Variants in CACNA1E observed in about 807,000 individuals in gnomAD.
CACNA1E encodes the protein voltage-dependent R-type calcium channel subunit alpha-1E.
A neutral mutation model predicts 259.2 loss-of-function variants in CACNA1E; 40 were observed. That is an observed-to-expected ratio of 0.15 (90% CI 0.12 to 0.20). The LOEUF is 0.20. CACNA1E is among the 10% of genes least tolerant of loss of function. The pLI, the probability that CACNA1E is intolerant of heterozygous loss-of-function variation, is 1.00. For synonymous variants in CACNA1E, 1,104 were observed against 1,138.5 expected (o/e 0.97, Z 0.61); for missense variants, 1,874 against 3,040.1 (o/e 0.62, Z 9.02).
chr1:181,710,530 A>G (rs752754617), intron 7 of CACNA1E, among the ~76,000 whole-genome samples: 1 of 152,218 alleles, frequency 6.6e-6, no homozygotes, highest in Non-Finnish European at 1.5e-5. Context: ...AAAAACCTTG[A>G]TACAGGGCCA....
At chr1:181,766,452 T>C in intron 34 of CACNA1E, 94 bp from the exon 35 acceptor site, 1 of 865,870 alleles carries the variant, frequency 1.2e-6, no homozygotes, top group Admixed American at 1.9e-5. Flanking sequence ...TGCATTAGCC[T>C]CCAGGCAAGA....
intron 3 of CACNA1E, among the ~76,000 whole-genome samples, chr1:181,554,493 AC>A (rs1054129169): frequency 4.6e-5 from 7 of 152,114 alleles, no homozygotes; most frequent in Non-Finnish European, 1.0e-4. Flanking sequence ...TTGTCCAATA[AC>A]CCTGTTTAAA....
intron 24 of CACNA1E, 52 bp downstream of exon 24, chr1:181,738,478 T>G: frequency 7.1e-7 from 1 of 1,417,500 alleles, no homozygotes; most frequent in East Asian, 2.3e-5. Flanking sequence ...GGGTCACCTG[T>G]CTGCTCCTTA....
chr1:181,379,965 GAT>G (rs150620283), intron 1 of CACNA1E, among the ~76,000 whole-genome samples: 8,840 of 143,450 alleles, frequency 0.062, 829 homozygotes, highest in African/African-American at 0.2. Context: ...ACTGTCATAA[GAT>G]ATATATATAT....
At chr1:181,519,094 G>C (rs553393423) in intron 3 of CACNA1E, among the ~76,000 whole-genome samples, 2 of 152,284 alleles carry the variant, frequency 1.3e-5, no homozygotes, top group South Asian at 4.1e-4. Flanking sequence ...TCTTGTGCTT[G>C]TGCATGAGTG....
At chr1:181,552,222 C>T (rs1387357674) in intron 3 of CACNA1E, among the ~76,000 whole-genome samples, 1 of 152,170 alleles carries the variant, frequency 6.6e-6, no homozygotes, top group African/African-American at 2.4e-5. Flanking sequence ...TTTTGTAGCC[C>T]CCTCCTCACA....
chr1:181,565,571 A>G (rs1390369086), intron 3 of CACNA1E, among the ~76,000 whole-genome samples: 2 of 152,218 alleles, frequency 1.3e-5, no homozygotes, highest in African/African-American at 4.8e-5. Context: ...CCTGCCCCTG[A>G]TCCTGTTAAC....
At chr1:181,543,772 TA>T (rs981518939) in intron 3 of CACNA1E, among the ~76,000 whole-genome samples, 3 of 152,030 alleles carry the variant, frequency 2.0e-5, no homozygotes, top group Non-Finnish European at 4.4e-5. Flanking sequence ...GAAATGCAAA[TA>T]AAAACCACGA....
intron 35 of CACNA1E, among the ~76,000 whole-genome samples, chr1:181,769,806 C>G (rs1471723623): frequency 6.6e-6 from 1 of 152,112 alleles, no homozygotes; most frequent in African/African-American, 2.4e-5. Flanking sequence ...TCATGAATTC[C>G]AAACCAAGAG....
intron 8 of CACNA1E, among the ~76,000 whole-genome samples, chr1:181,712,262 G>A (rs1032260312): frequency 1.3e-5 from 2 of 152,152 alleles, no homozygotes; most frequent in African/African-American, 2.4e-5. Context: ...TTAAAGGTTG[G>A]TTTGCATTAG....
At chr1:181,597,410 T>A (rs1234880217) in intron 6 of CACNA1E, among the ~76,000 whole-genome samples, 3 of 152,330 alleles carry the variant, frequency 2.0e-5, no homozygotes, top group South Asian at 2.1e-4. Context: ...TTTTTGTGTT[T>A]CGCATTGTGT....
At chr1:181,726,550 G>T (rs1324743451) in intron 18 of CACNA1E, among the ~76,000 whole-genome samples, 3 of 152,104 alleles carry the variant, frequency 2.0e-5, no homozygotes, top group Non-Finnish European at 2.9e-5. Flanking sequence ...CCCCAGCAAG[G>T]TTCAGTGTGA....
At chr1:181,699,782 A>G (rs2102367381) in intron 7 of CACNA1E, among the ~76,000 whole-genome samples, 1 of 152,150 alleles carries the variant, frequency 6.6e-6, no homozygotes, top group Non-Finnish European at 1.5e-5. Context: ...TTGCTTATGG[A>G]TTGGGCTGAG....
rs1389821712 is a variant in CACNA1E, at chr1:181,800,782, C to G, written c.*1948C>G. ...ATCAGCCCTGAAAAGCCAAATTCAA[C>G]CACATGGCTGGAGAATCATTTGTCA... is the stretch of plus-strand genomic sequence containing the variant. On this transcript the variant is annotated 3_prime_UTR_variant, in exon 48 of 48. Coordinates refer to ENST00000367573, the MANE Select transcript of CACNA1E (RefSeq NM_001205293.3). 3.3e-5 allele frequency: 5 copies of G among 152,562 alleles called. No individual in the cohort carries two copies. Among genetic ancestry groups the G allele is most frequent in the African/African-American group, 1.2e-4 (5 of 41,428 alleles). 9.5% of individuals were successfully genotyped at this position (152,562 alleles called of 1,614,324 possible).
chr1:181,613,669 G>T (rs1022292226), intron 6 of CACNA1E, among the ~76,000 whole-genome samples: 2 of 152,164 alleles, frequency 1.3e-5, no homozygotes, highest in African/African-American at 2.4e-5. Flanking sequence ...GGAAGGTCCT[G>T]ATCATAAACC....
At chr1:181,649,176 A>G (rs1658540816) in intron 6 of CACNA1E, among the ~76,000 whole-genome samples, 1 of 152,198 alleles carries the variant, frequency 6.6e-6, no homozygotes, top group South Asian at 2.1e-4. Flanking sequence ...ATATTCAGGA[A>G]CAGTTTTCTC....
At chr1:181,626,518 A>C (rs1347279862) in intron 6 of CACNA1E, among the ~76,000 whole-genome samples, 2 of 152,220 alleles carry the variant, frequency 1.3e-5, no homozygotes, top group African/African-American at 4.8e-5. Flanking sequence ...AGGTGAGGCC[A>C]TGGACTCTCA....
chr1:181,325,429 C>T (rs563193969), intron 1 of CACNA1E, among the ~76,000 whole-genome samples: 1 of 152,222 alleles, frequency 6.6e-6, no homozygotes, highest in South Asian at 2.1e-4. Context: ...CATCCTGTCC[C>T]AAGGTGTGGT....
intron 3 of CACNA1E, among the ~76,000 whole-genome samples, chr1:181,544,367 A>T (rs751439342): frequency 2.0e-5 from 3 of 151,368 alleles, no homozygotes; most frequent in Non-Finnish European, 4.4e-5. Flanking sequence ...CTAAAATTAG[A>T]TAGTGGTGAT....
Sources: gnomAD v4.1 joint callset for allele counts (sites outside exome capture counted in the v4.1 genomes callset) on GRCh38, gnomAD v4.1.1 for gene constraint, MANE v1.5 for transcripts, NCBI Gene and HGNC (gene_info 2026-07-23, HGNC 2026-07-21) for gene names.